TENM4: variants seen among roughly 807,000 people sequenced by gnomAD.
The protein encoded by TENM4 is teneurin-4.
A neutral mutation model predicts 243.3 loss-of-function variants in TENM4; 82 were observed. The ratio of observed to expected loss-of-function variants is 0.34; its 90% CI spans 0.28 to 0.40. The LOEUF (loss-of-function observed/expected upper bound fraction) is 0.40. Among genes scored for constraint, TENM4 ranks in the 10% least tolerant of loss-of-function variants. The pLI is 1.00. For missense variants in TENM4, 3,138 were observed against 3,673.3 expected (o/e 0.85, Z 3.77); for synonymous variants, 1,412 against 1,456.3 (o/e 0.97, Z 0.69).
chr11:79,343,990 G>A (rs1857285408), intron 1 of TENM4, among the ~76,000 whole-genome samples: 1 of 152,194 alleles, frequency 6.6e-6, no homozygotes, highest in African/African-American at 2.4e-5. Context: ...TCACAGAGAT[G>A]CTGCTTTTAG....
chr11:79,370,096 A>C (rs1318303), intron 1 of TENM4, among the ~76,000 whole-genome samples: 3,856 of 152,322 alleles, frequency 0.025, 165 homozygotes, highest in African/African-American at 0.089. Context: ...TCTAGAATTC[A>C]TCATCATGTA....
intron 2 of TENM4, among the ~76,000 whole-genome samples, chr11:79,248,226 T>C (rs1855552967): frequency 6.6e-6 from 1 of 152,172 alleles, no homozygotes; most frequent in Non-Finnish European, 1.5e-5. Flanking sequence ...ACAAGGTACC[T>C]GGCACAGGCA....
intron 1 of TENM4, among the ~76,000 whole-genome samples, chr11:79,391,951 A>G (rs1226079213): frequency 7.8e-6 from 1 of 128,610 alleles, no homozygotes; most frequent in East Asian, 2.3e-4. Flanking sequence ...ATGATTTTTT[A>G]TTTCCCTTTG....
At chr11:78,818,031 G>A (rs1273056096) in intron 12 of TENM4, among the ~76,000 whole-genome samples, 1 of 151,998 alleles carries the variant, frequency 6.6e-6, no homozygotes, top group Non-Finnish European at 1.5e-5. Context: ...TGAACTCCTT[G>A]AGGATAGAAA....
chr11:79,110,520 A>AT (rs1861480457), intron 4 of TENM4, among the ~76,000 whole-genome samples: 1 of 152,042 alleles, frequency 6.6e-6, no homozygotes, highest in Admixed American at 6.6e-5. Context: ...GGTCATGAGG[A>AT]TTTTCTCACC....
chr11:79,110,992 T>C (rs189661885), intron 4 of TENM4, among the ~76,000 whole-genome samples: 3 of 152,100 alleles, frequency 2.0e-5, no homozygotes, highest in Admixed American at 1.3e-4. Context: ...CCCACCCAAA[T>C]CTCATCTTGA....
intron 19 of TENM4, among the ~76,000 whole-genome samples, chr11:78,748,770 A>C (rs1285272048): frequency 6.6e-6 from 1 of 152,188 alleles, no homozygotes; most frequent in African/African-American, 2.4e-5. Flanking sequence ...ACTACCTATA[A>C]AACATTCCAA....
intron 24 of TENM4, among the ~76,000 whole-genome samples, chr11:78,722,283 A>C (rs1392610716): frequency 6.6e-6 from 1 of 152,216 alleles, no homozygotes; most frequent in Admixed American, 6.5e-5. Context: ...CCAAGGTGCT[A>C]GGATTACAGG....
At chr11:79,110,579 C>A (rs7931022) in intron 4 of TENM4, among the ~76,000 whole-genome samples, 2 of 152,174 alleles carry the variant, frequency 1.3e-5, no homozygotes, top group East Asian at 1.9e-4. Flanking sequence ...CAGTGCTGGC[C>A]TAGGAGGGAA....
chr11:78,893,196 G>T (rs917188471), intron 7 of TENM4, among the ~76,000 whole-genome samples: 1 of 152,208 alleles, frequency 6.6e-6, no homozygotes, highest in Non-Finnish European at 1.5e-5. Flanking sequence ...TCAGAGGTGT[G>T]GACATCCCTC....
chr11:78,948,631 A>G (rs1857054154), intron 6 of TENM4, among the ~76,000 whole-genome samples: 1 of 152,148 alleles, frequency 6.6e-6, no homozygotes, highest in African/African-American at 2.4e-5. Flanking sequence ...TTGGCCTCCC[A>G]AAGTGCTGGG....
intron 12 of TENM4, among the ~76,000 whole-genome samples, chr11:78,819,029 G>A (rs189863241): frequency 1.8e-4 from 27 of 152,000 alleles, no homozygotes; most frequent in Admixed American, 9.2e-4. Flanking sequence ...GGAATGCAGA[G>A]TTTAAGTGTT....
chr11:78,884,958 A>G (rs1206238882), intron 9 of TENM4, among the ~76,000 whole-genome samples: 1 of 152,156 alleles, frequency 6.6e-6, no homozygotes, highest in Non-Finnish European at 1.5e-5. Flanking sequence ...CAACGTGCTC[A>G]GAACAGAAGG....
At chr11:79,087,017 C>G (rs59220918) in intron 4 of TENM4, among the ~76,000 whole-genome samples, 3,111 of 152,162 alleles carry the variant, frequency 0.02, 112 homozygotes, top group African/African-American at 0.064. Context: ...ATTATATGCT[C>G]TAAGCTCTAC....
chr11:78,865,193 C>T (rs1311843047), intron 9 of TENM4, among the ~76,000 whole-genome samples: 1 of 152,200 alleles, frequency 6.6e-6, no homozygotes, highest in Admixed American at 6.5e-5. Flanking sequence ...GCATTACAAG[C>T]AATAATTCCT....
intron 6 of TENM4, among the ~76,000 whole-genome samples, chr11:79,034,651 A>C (rs980619395): frequency 6.6e-6 from 1 of 151,952 alleles, no homozygotes; most frequent in African/African-American, 2.4e-5. Context: ...CTTTTGGAAC[A>C]CTCTATCTGT....
intron 2 of TENM4, among the ~76,000 whole-genome samples, chr11:79,251,413 G>A (rs765320276): frequency 5.3e-5 from 8 of 152,212 alleles, no homozygotes; most frequent in Non-Finnish European, 8.8e-5. Context: ...TCACCCGTGG[G>A]TTGCTAAAAT....
intron 3 of TENM4, among the ~76,000 whole-genome samples, chr11:79,181,651 AC>A (rs2135141235): frequency 1.3e-5 from 2 of 152,142 alleles, no homozygotes; most frequent in East Asian, 3.9e-4. Flanking sequence ...AAGAAATAAA[AC>A]TTTGTTCACA....
chr11:78,776,527 G>A (rs1856743290), intron 17 of TENM4, among the ~76,000 whole-genome samples: 1 of 152,106 alleles, frequency 6.6e-6, no homozygotes, highest in Admixed American at 6.5e-5. Flanking sequence ...AAAGCAACTG[G>A]GAAGCAATGA....
Sources: allele counts gnomAD v4.1 joint callset (sites outside exome capture counted in the v4.1 genomes callset), GRCh38; gene constraint gnomAD v4.1.1; transcripts MANE v1.5; gene names NCBI Gene and HGNC (gene_info 2026-07-23, HGNC 2026-07-21).